CNTN4: variants seen among roughly 807,000 people sequenced by gnomAD.
The protein encoded by CNTN4 is contactin-4.
CNTN4 carries 77 observed loss-of-function variants against 122.5 expected under a neutral mutation model. The ratio of observed to expected loss-of-function variants is 0.63; its 90% CI spans 0.52 to 0.76. The LOEUF is 0.76. Among genes scored for constraint, CNTN4 ranks in the 30% least tolerant of loss-of-function variants. CNTN4 has a pLI of 0.00. For missense variants in CNTN4, 1,256 were observed against 1,259.1 expected, an observed-to-expected ratio of 1.00 and a Z score of 0.04; for synonymous variants, 512 against 447.0, an observed-to-expected ratio of 1.15 and a Z score of -1.83.
intron 4 of CNTN4, among the ~76,000 whole-genome samples, chr3:2,733,812 G>T (rs778128823): frequency 6.6e-6 from 1 of 152,040 alleles, no homozygotes; most frequent in Admixed American, 6.6e-5. Context: ...GGGATTACAG[G>T]TGTGAGCCAC....
chr3:2,919,490 C>T (rs1259771162), intron 12 of CNTN4, among the ~76,000 whole-genome samples: 2 of 151,902 alleles, frequency 1.3e-5, no homozygotes, highest in Non-Finnish European at 2.9e-5. Context: ...ATCCAGGATA[C>T]ATATTCTTGC....
chr3:2,795,647 A>C (rs1237613566), intron 6 of CNTN4, among the ~76,000 whole-genome samples: 1 of 151,530 alleles, frequency 6.6e-6, no homozygotes, highest in Non-Finnish European at 1.5e-5. Flanking sequence ...CAGCCTCCTG[A>C]GTAGCTGGGA....
chr3:2,119,122 GA>G (rs1307993748), intron 2 of CNTN4, among the ~76,000 whole-genome samples: 1 of 152,150 alleles, frequency 6.6e-6, no homozygotes, highest in Non-Finnish European at 1.5e-5. Context: ...AGGGCCTTCA[GA>G]AAAAAACTGA....
intron 3 of CNTN4, among the ~76,000 whole-genome samples, chr3:2,356,036 C>T (rs755361297): frequency 9.9e-5 from 15 of 152,128 alleles, no homozygotes; most frequent in Non-Finnish European, 1.5e-4. Context: ...TGTTTCCTGA[C>T]TGCTAATCTT....
At chr3:2,604,494 A>G (rs936667498) in intron 4 of CNTN4, among the ~76,000 whole-genome samples, 5 of 152,192 alleles carry the variant, frequency 3.3e-5, no homozygotes, top group African/African-American at 1.2e-4. Context: ...ATACATATCT[A>G]TGTAATATTT....
intron 2 of CNTN4, among the ~76,000 whole-genome samples, chr3:2,205,173 ATCATACTTT>A (rs993299551): frequency 1.3e-5 from 2 of 151,384 alleles, no homozygotes; most frequent in African/African-American, 4.8e-5. Flanking sequence ...TAGCTTACTC[ATCATACTTT>A]TAAATACATG....
At chr3:2,319,894 A>G (rs2043224830) in intron 2 of CNTN4, among the ~76,000 whole-genome samples, 1 of 152,292 alleles carries the variant, frequency 6.6e-6, no homozygotes, top group Admixed American at 6.5e-5. Flanking sequence ...CTCATTTGTA[A>G]TAGTAATACA....
At chr3:3,053,655 C>T in intron 23 of CNTN4, 152 bp from the exon 24 acceptor site, 1 of 740,996 alleles carries the variant, frequency 1.3e-6, no homozygotes, top group South Asian at 1.5e-5. Context: ...ATGGCCCTCA[C>T]TGCAAATGAG....
At chr3:2,362,553 TA>T in intron 3 of CNTN4, 1 of 604,962 alleles carries the variant, frequency 1.7e-6, no homozygotes. Flanking sequence ...TTCCTCGGAT[TA>T]ACCAGGCTGA....
At chr3:2,764,819 C>T (rs894918622) in intron 6 of CNTN4, among the ~76,000 whole-genome samples, 1 of 152,106 alleles carries the variant, frequency 6.6e-6, no homozygotes, top group Admixed American at 6.5e-5. Context: ...TTTTTTAATA[C>T]TTACCTCAAC....
At chr3:2,284,585 A>AGGGAGGAG (rs565673036) in intron 2 of CNTN4, among the ~76,000 whole-genome samples, 183 of 152,242 alleles carry the variant, frequency 1.2e-3, no homozygotes, top group African/African-American at 4.2e-3. Context: ...TGGAGCATCA[A>AGGGAGGAG]GGGAGGAGTT....
At chr3:2,474,717 T>C (rs1339582055) in intron 3 of CNTN4, among the ~76,000 whole-genome samples, 1 of 152,236 alleles carries the variant, frequency 6.6e-6, no homozygotes, top group Non-Finnish European at 1.5e-5. Context: ...TTAATATAAT[T>C]AGTACAAATC....
intron 3 of CNTN4, among the ~76,000 whole-genome samples, chr3:2,388,964 C>T (rs780950118): frequency 1.3e-4 from 20 of 151,986 alleles, no homozygotes; most frequent in Non-Finnish European, 2.6e-4. Context: ...TCGAGACCAG[C>T]CTGGCCAACA....
chr3:2,879,002 A>G (rs2093877427), intron 8 of CNTN4, among the ~76,000 whole-genome samples: 1 of 152,184 alleles, frequency 6.6e-6, no homozygotes, highest in African/African-American at 2.4e-5. Context: ...ATGCCCATCA[A>G]CTGGTGTTAT....
intron 2 of CNTN4, among the ~76,000 whole-genome samples, chr3:2,128,185 T>C (rs2034273439): frequency 1.3e-5 from 2 of 152,198 alleles, no homozygotes; most frequent in African/African-American, 4.8e-5. Context: ...CGTCTGCCAG[T>C]TTCTTTTCTC....
intron 3 of CNTN4, among the ~76,000 whole-genome samples, chr3:2,375,195 A>G (rs1219755737): frequency 6.6e-6 from 1 of 152,194 alleles, no homozygotes; most frequent in East Asian, 1.9e-4. Flanking sequence ...TAAAATAGAA[A>G]TTGCTACCTA....
chr3:2,325,238 C>T (rs1559453957), intron 2 of CNTN4, among the ~76,000 whole-genome samples: 1 of 152,156 alleles, frequency 6.6e-6, no homozygotes, highest in Non-Finnish European at 1.5e-5. Flanking sequence ...TTAAGCCAGA[C>T]ATTAAAGAGA....
At chr3:3,053,719 C>A in intron 23 of CNTN4, 88 bp from the exon 24 acceptor site, 2 of 1,386,412 alleles carry the variant, frequency 1.4e-6, no homozygotes, top group Non-Finnish European at 2.1e-6. Flanking sequence ...GCATTTTGCT[C>A]GTGCCCAGAG....
intron 2 of CNTN4, among the ~76,000 whole-genome samples, chr3:2,137,919 G>A (rs924593399): frequency 6.6e-6 from 1 of 152,084 alleles, no homozygotes; most frequent in East Asian, 1.9e-4. Flanking sequence ...CCTTGGATCC[G>A]AATTCAGAGC....
Sources: allele counts gnomAD v4.1 joint callset (sites outside exome capture counted in the v4.1 genomes callset), GRCh38; gene constraint gnomAD v4.1.1; transcripts MANE v1.5; gene names NCBI Gene and HGNC (gene_info 2026-07-23, HGNC 2026-07-21).